The following UBE2E2 variants were observed in gnomAD, a reference collection of about 807,000 sequenced individuals.
The protein encoded by UBE2E2 is ubiquitin-conjugating enzyme E2 E2.
In UBE2E2, 6 loss-of-function variants were observed where a neutral mutation model predicts 24.7. That is an observed-to-expected ratio of 0.24 (90% CI 0.13 to 0.48). UBE2E2 has a LOEUF of 0.48. UBE2E2 is among the 20% of genes least tolerant of loss of function. The pLI is 0.99. For missense variants in UBE2E2, 169 were observed against 245.0 expected (o/e 0.69, Z 2.07); for synonymous variants, 104 against 83.6 (o/e 1.24, Z -1.33).
intron 4 of UBE2E2, among the ~76,000 whole-genome samples, chr3:23,506,599 C>T (rs995562359): frequency 1.3e-5 from 2 of 152,166 alleles, no homozygotes; most frequent in African/African-American, 2.4e-5. Flanking sequence ...TGGAAATCTC[C>T]TATGTGGTCT....
chr3:23,513,830 T>A (rs1040700888), intron 4 of UBE2E2, among the ~76,000 whole-genome samples: 1 of 152,104 alleles, frequency 6.6e-6, no homozygotes, highest in Non-Finnish European at 1.5e-5. Context: ...GAATTTGGAC[T>A]TTTTTTTATT....
intron 2 of UBE2E2, among the ~76,000 whole-genome samples, chr3:23,210,184 G>A (rs1466201687): frequency 6.6e-6 from 1 of 152,142 alleles, no homozygotes; most frequent in Non-Finnish European, 1.5e-5. Context: ...ATGTAGGTGG[G>A]AAGGAGATGT....
At chr3:23,385,774 T>A (rs148713279) in intron 3 of UBE2E2, among the ~76,000 whole-genome samples, 1 of 152,228 alleles carries the variant, frequency 6.6e-6, no homozygotes, top group Admixed American at 6.5e-5. Flanking sequence ...TTGTACTGGC[T>A]TCTCACAGAT....
rs374961045 is a variant in UBE2E2, at chr3:23,499,793, A to G, written c.360+53A>G. On this transcript the variant is annotated intron_variant, in intron 4 of 5. Coordinates refer to ENST00000396703, the MANE Select transcript of UBE2E2 (RefSeq NM_152653.4). ...AGCAATATGGATTATATTTCTAGATACATATACTTATTCTTAAATATGCAT... is the reference window on the plus strand; with the variant it reads ...AGCAATATGGATTATATTTCTAGATGCATATACTTATTCTTAAATATGCAT... 2.3e-5 allele frequency: 37 copies of G among 1,575,686 alleles called. No individual in the cohort carries two copies. In the South Asian group the frequency reaches 3.0e-4, roughly 13 times the overall value.
rs950341421 is a variant in UBE2E2, at chr3:23,511,553, G to A, written c.360+11813G>A. 2.0e-5 allele frequency among the ~76,000 whole-genome samples: 3 copies of A among 152,132 alleles called. No homozygotes were observed. In the East Asian group the frequency reaches 5.8e-4, roughly 29 times the overall value. ...TTTGGGAGTTAGCAGACACAGATTT[G>A]GGTGTTAAAACCCTAGATAGAATAA... is the stretch of plus-strand genomic sequence containing the variant. On this transcript the variant is annotated intron_variant, in intron 4 of 5. Transcript: ENST00000396703.
At chr3:23,369,858 T>G (rs1260452499) in intron 3 of UBE2E2, among the ~76,000 whole-genome samples, 1 of 152,220 alleles carries the variant, frequency 6.6e-6, no homozygotes, top group East Asian at 1.9e-4. Context: ...GCAGTTTTGT[T>G]TTTATTTATA....
intron 3 of UBE2E2, among the ~76,000 whole-genome samples, chr3:23,329,324 A>G (rs575705303): frequency 1.3e-5 from 2 of 152,348 alleles, no homozygotes; most frequent in East Asian, 3.9e-4. Context: ...AAATTTTATC[A>G]GTTGCTGTGG....
At chr3:23,324,488 C>G (rs1694832399) in intron 3 of UBE2E2, among the ~76,000 whole-genome samples, 3 of 152,080 alleles carry the variant, frequency 2.0e-5, no homozygotes, top group Admixed American at 6.6e-5. Flanking sequence ...TCCTCTCTTT[C>G]TTTTACCAGC....
chr3:23,320,014 A>G (rs1347753754), intron 3 of UBE2E2, among the ~76,000 whole-genome samples: 1 of 152,090 alleles, frequency 6.6e-6, no homozygotes, highest in Non-Finnish European at 1.5e-5. Flanking sequence ...TTCTTTCAAG[A>G]AGGAGACTTG....
chr3:23,511,678 G>GA (rs998016472), intron 4 of UBE2E2, among the ~76,000 whole-genome samples: 3 of 152,160 alleles, frequency 2.0e-5, no homozygotes, highest in Non-Finnish European at 4.4e-5. Context: ...AATGATGACT[G>GA]AAAAAACTAA....
In UBE2E2 at chr3:23,589,469, ATGT is replaced by A. The variant is rs1696710999; in HGVS notation, c.509-264_509-262del. Among the ~76,000 whole-genome samples, 1 of 151,958 alleles carries A rather than the reference ATGT, an allele frequency of 6.6e-6. No individual in the cohort carries two copies. The highest frequency in any genetic ancestry group is 2.4e-5 in the African/African-American group (1 of 41,384). On this transcript the variant is annotated intron_variant, in intron 5 of 5. Transcript: ENST00000396703. The surrounding 1 kb of genome is among the most constrained non-coding windows in gnomAD (Gnocchi z 4.1). ...ATACGAGGGGAGCAAGGTGAGAAGT[ATGT>A]GGTGGGTACAGGGAAAGAGAATAAG... is the stretch of plus-strand genomic sequence containing the variant.
chr3:23,400,167 T>G (rs1003925605), intron 3 of UBE2E2, among the ~76,000 whole-genome samples: 2 of 152,194 alleles, frequency 1.3e-5, no homozygotes, highest in African/African-American at 4.8e-5. Context: ...TCTTAGCTTA[T>G]AGCTTACAAA....
chr3:23,400,616 A>ACACACACACACACACACACT (rs1697198635), intron 3 of UBE2E2, among the ~76,000 whole-genome samples: 1 of 150,740 alleles, frequency 6.6e-6, no homozygotes, highest in Non-Finnish European at 1.5e-5. Context: ...AAACACACAC[A>ACACACACACACACACACACT]CACACACACA....
chr3:23,533,220 C>T (rs1409806734), intron 5 of UBE2E2, among the ~76,000 whole-genome samples: 1 of 152,172 alleles, frequency 6.6e-6, no homozygotes, highest in East Asian at 1.9e-4. Flanking sequence ...ATACACCTCC[C>T]AAGAAAACGA....
chr3:23,575,450 A>G (rs560053642), intron 5 of UBE2E2, among the ~76,000 whole-genome samples: 13 of 152,312 alleles, frequency 8.5e-5, no homozygotes, highest in African/African-American at 2.4e-4. Context: ...TGTGTTTTCA[A>G]TATTTATAGT....
upstream of UBE2E2, chr3:23,203,307 G>A (rs1370580031): frequency 4.1e-6 from 4 of 986,940 alleles, no homozygotes; most frequent in Non-Finnish European, 3.6e-6. Context: ...GGCGTGGTCG[G>A]GTGCGTGGTG....
intron 3 of UBE2E2, among the ~76,000 whole-genome samples, chr3:23,322,934 TAGAC>T (rs780377177): frequency 1.3e-4 from 20 of 152,094 alleles, no homozygotes; most frequent in East Asian, 5.8e-4. Flanking sequence ...TTTTTTCTAT[TAGAC>T]AGGCATTTTC....
chr3:23,517,790 TA>T (rs1694775731), intron 4 of UBE2E2, among the ~76,000 whole-genome samples: 1 of 152,178 alleles, frequency 6.6e-6, no homozygotes, highest in African/African-American at 2.4e-5. Flanking sequence ...TGTTTGCTTC[TA>T]AAAGGTGGTA....
intron 4 of UBE2E2, among the ~76,000 whole-genome samples, chr3:23,517,274 G>A (rs1196745607): frequency 6.6e-6 from 1 of 152,082 alleles, no homozygotes; most frequent in East Asian, 1.9e-4. Context: ...TCTCAACTCT[G>A]CAATTAATAT....
Sources: allele counts gnomAD v4.1 joint callset (sites outside exome capture counted in the v4.1 genomes callset), GRCh38; gene constraint gnomAD v4.1.1; non-coding constraint Gnocchi (gnomAD v3.1); transcripts MANE v1.5; gene names NCBI Gene and HGNC (gene_info 2026-07-23, HGNC 2026-07-21).